SSBP2: variants seen among roughly 807,000 people sequenced by gnomAD.
SSBP2 encodes single-stranded DNA-binding protein 2.
Under a neutral mutation model 61.8 loss-of-function variants are expected in SSBP2, and 17 were observed. That is an observed-to-expected ratio of 0.28 (90% CI 0.19 to 0.41). SSBP2 has a LOEUF of 0.41. SSBP2 is among the 10% of genes least tolerant of loss of function. The pLI is 1.00. For missense variants in SSBP2, 310 were observed against 458.7 expected (o/e 0.68, Z 2.96); for synonymous variants, 139 against 141.3 (o/e 0.98, Z 0.12).
chr5:81,592,405 C>T (rs1775592626), intron 4 of SSBP2, among the ~76,000 whole-genome samples: 1 of 152,236 alleles, frequency 6.6e-6, no homozygotes, highest in African/African-American at 2.4e-5. Context: ...GTAGGCTCCA[C>T]CTCTGGGGGC....
chr5:81,501,823 A>C (rs1038799278), intron 5 of SSBP2, among the ~76,000 whole-genome samples: 1 of 151,960 alleles, frequency 6.6e-6, no homozygotes, highest in African/African-American at 2.4e-5. Context: ...TTGGCCTCCC[A>C]AAGTGCTAAG....
chr5:81,552,309 G>A (rs779205375), intron 4 of SSBP2, among the ~76,000 whole-genome samples: 30 of 152,060 alleles, frequency 2.0e-4, no homozygotes, highest in East Asian at 3.9e-4. Flanking sequence ...AATTATCATC[G>A]GAAACTGTAT....
At chr5:81,477,557 C>T (rs1765674158) in intron 6 of SSBP2, among the ~76,000 whole-genome samples, 1 of 152,062 alleles carries the variant, frequency 6.6e-6, no homozygotes, top group Non-Finnish European at 1.5e-5. Context: ...TCAATATAAC[C>T]AGTCTCCCAA....
chr5:81,573,403 C>A (rs192489500), intron 4 of SSBP2, among the ~76,000 whole-genome samples: 24 of 152,296 alleles, frequency 1.6e-4, no homozygotes, highest in Admixed American at 1.4e-3. Flanking sequence ...AGAAGGGAAG[C>A]AGAGGTTTTT....
intron 2 of SSBP2, among the ~76,000 whole-genome samples, chr5:81,643,975 T>C (rs542258703): frequency 6.6e-6 from 1 of 152,308 alleles, no homozygotes; most frequent in Non-Finnish European, 1.5e-5. Context: ...TGACTATACT[T>C]TGAAGCAGAT....
At chr5:81,616,073 C>G (rs1175749143) in intron 3 of SSBP2, 2 of 153,224 alleles carry the variant, frequency 1.3e-5, no homozygotes, top group Non-Finnish European at 2.9e-5. Context: ...AGTTTAGTAA[C>G]TTTGAAAATA....
rs954202380 is a variant in SSBP2 at position 81,633,848 on chromosome 5, G to A, written c.197+2709C>T. Among the ~76,000 whole-genome samples the A allele has an allele frequency of 1.2e-4, 19 of 152,180 alleles. No individual in the cohort carries two copies. In the East Asian group the frequency reaches 2.3e-3, roughly 19 times the overall value. On this transcript the variant is annotated intron_variant, in intron 3 of 16. Coordinates refer to ENST00000320672, the MANE Select transcript of SSBP2 (RefSeq NM_012446.5). ...CAAATCCTTCTACTTCTCTTGCTCC[G>A]CAATGATTATACACTAGTTCAAGTA...
intron 1 of SSBP2, among the ~76,000 whole-genome samples, chr5:81,749,089 A>T (rs1317399157): frequency 1.3e-5 from 2 of 152,220 alleles, no homozygotes; most frequent in East Asian, 1.9e-4. Flanking sequence ...GTGATCATTA[A>T]AACATCCTCC....
intron 1 of SSBP2, among the ~76,000 whole-genome samples, chr5:81,689,773 C>G (rs1345256238): frequency 2.0e-5 from 3 of 152,226 alleles, no homozygotes; most frequent in African/African-American, 7.2e-5. Flanking sequence ...ACAAAACTTA[C>G]TGGTATGGTA....
intron 1 of SSBP2, among the ~76,000 whole-genome samples, chr5:81,665,013 T>G (rs1042189458): frequency 6.6e-6 from 1 of 152,180 alleles, no homozygotes. Flanking sequence ...CCAGCTTTGT[T>G]TTTTGCTTAG....
intron 1 of SSBP2, among the ~76,000 whole-genome samples, chr5:81,652,041 T>A (rs1749774571): frequency 6.6e-6 from 1 of 152,118 alleles, no homozygotes; most frequent in Admixed American, 6.6e-5. Context: ...AACCAGTGGT[T>A]AGCATAGGAA....
chr5:81,600,021 C>T (rs575979024), intron 4 of SSBP2, among the ~76,000 whole-genome samples: 1 of 152,286 alleles, frequency 6.6e-6, no homozygotes, highest in South Asian at 2.1e-4. Flanking sequence ...GTCTCTTTGA[C>T]ACCTAGGCTT....
At chr5:81,692,636 A>G (rs1753291195) in intron 1 of SSBP2, among the ~76,000 whole-genome samples, 1 of 152,234 alleles carries the variant, frequency 6.6e-6, no homozygotes, top group Non-Finnish European at 1.5e-5. Flanking sequence ...CCCAAACAGC[A>G]TGGTACTGGC....
At chr5:81,600,280 A>C (rs182320991) in intron 4 of SSBP2, among the ~76,000 whole-genome samples, 1 of 152,260 alleles carries the variant, frequency 6.6e-6, no homozygotes, top group Admixed American at 6.5e-5. Context: ...TCAGAAAATA[A>C]GGCCGGGTGT....
rs1008559366 is a variant in SSBP2 at position 81,672,433 on chromosome 5, T to C, written c.63-22094A>G. Among the ~76,000 whole-genome samples the C allele has an allele frequency of 2.6e-5, 4 of 152,300 alleles. No homozygotes were observed. In the South Asian group the frequency reaches 8.3e-4, roughly 32 times the overall value. ...TAAAATTATTCTGATTCTTCCATTA[T>C]TTTTGTCTAAAATAAATGTTTAAGA... is the stretch of plus-strand genomic sequence containing the variant. On this transcript the variant is annotated intron_variant, in intron 1 of 16. Transcript: ENST00000320672.
intron 5 of SSBP2, among the ~76,000 whole-genome samples, chr5:81,510,667 A>C (rs1201568394): frequency 6.6e-6 from 1 of 152,086 alleles, no homozygotes; most frequent in African/African-American, 2.4e-5. Flanking sequence ...AGGCTGTGGC[A>C]GGAGACTCGC....
At chr5:81,459,813 G>T (rs1305713805) in intron 10 of SSBP2, among the ~76,000 whole-genome samples, 1 of 152,134 alleles carries the variant, frequency 6.6e-6, no homozygotes, top group Non-Finnish European at 1.5e-5. Context: ...CTCTTGTAAA[G>T]CATGTAAGCA....
chr5:81,469,222 A>G (rs1233929206), intron 8 of SSBP2, among the ~76,000 whole-genome samples: 1 of 151,938 alleles, frequency 6.6e-6, no homozygotes, highest in East Asian at 1.9e-4. Flanking sequence ...TGATTCTCCC[A>G]ATGATACCCT....
At chr5:81,676,174 C>T (rs1025569043) in intron 1 of SSBP2, among the ~76,000 whole-genome samples, 1 of 152,178 alleles carries the variant, frequency 6.6e-6, no homozygotes, top group East Asian at 1.9e-4. Flanking sequence ...CGCTCAATTT[C>T]TTACTCTTAA....
Sources: gnomAD v4.1 joint callset for allele counts (sites outside exome capture counted in the v4.1 genomes callset) on GRCh38, gnomAD v4.1.1 for gene constraint, MANE v1.5 for transcripts, NCBI Gene and HGNC (gene_info 2026-07-23, HGNC 2026-07-21) for gene names.